Variants in SORCS1 observed in about 807,000 individuals in gnomAD.
The protein encoded by SORCS1 is sortilin related VPS10 domain containing receptor 1.
In SORCS1, 60 loss-of-function variants were observed where a neutral mutation model predicts 146.1. The observed-to-expected ratio is 0.41, with a 90% CI of 0.33 to 0.51. SORCS1 has a LOEUF of 0.51. SORCS1 is among the 20% of genes least tolerant of loss of function. The probability of loss-of-function intolerance (pLI) is 0.21; values close to 1 mark genes in which losing one functional copy is unlikely to be tolerated. For missense variants in SORCS1, 1,352 were observed against 1,487.6 expected (o/e 0.91, Z 1.50); for synonymous variants, 637 against 584.0 (o/e 1.09, Z -1.31).
In SORCS1 at chr10:107,051,575, A is replaced by G. The variant is rs552357569; in HGVS notation, c.559-94995T>C. On this transcript the variant is annotated intron_variant, in intron 1 of 25. Transcript: ENST00000263054. ...CACTAAGTATTTACTATATTAACTCAGGGGGTTCATGGATCTTTTGAAGCC... is the reference window on the plus strand; with the variant it reads ...CACTAAGTATTTACTATATTAACTCGGGGGGTTCATGGATCTTTTGAAGCC... Among the ~76,000 whole-genome samples the G allele has an allele frequency of 1.3e-4, 20 of 152,258 alleles. No individual in the cohort carries two copies. The South Asian group carries it at 1.7e-3, about 13-fold the overall frequency.
chr10:106,657,210 C>A (rs1043093378), intron 17 of SORCS1, among the ~76,000 whole-genome samples: 1 of 152,076 alleles, frequency 6.6e-6, no homozygotes, highest in Admixed American at 6.5e-5. Context: ...AACTTAAGTG[C>A]CTATCAGCTG....
chr10:107,060,487 C>T lies in SORCS1; in HGVS notation c.558+103482G>A, dbSNP rs183966687. Among the ~76,000 whole-genome samples, 604 of 149,728 alleles carry T rather than the reference C, an allele frequency of 4.0e-3. 3 individuals carry two copies. The highest frequency in any genetic ancestry group is 0.014 in the African/African-American group (566 of 39,134). On this transcript the variant is annotated intron_variant, in intron 1 of 25. Coordinates refer to ENST00000263054, the MANE Select transcript of SORCS1 (RefSeq NM_052918.5). This position sits in a 1 kb window ranked among gnomAD's most constrained non-coding sequence, Gnocchi z 4.1. ...AAACCTAAAAATGGAAGCTGCCAGA[C>T]CTTCTCTGCACTCTGTTCAGACAGG...
intron 2 of SORCS1, among the ~76,000 whole-genome samples, chr10:106,914,844 G>A (rs1206052528): frequency 6.6e-6 from 1 of 152,116 alleles, no homozygotes; most frequent in African/African-American, 2.4e-5. Context: ...CTGATTTCTA[G>A]CCATTCATTC....
chr10:107,179,004 G>T, the SORCS1 span, among the ~76,000 whole-genome samples: 11 of 152,090 alleles, frequency 7.2e-5, no homozygotes, highest in African/African-American at 2.4e-4. Context: ...TGGATCATAT[G>T]GTAGTTCTAT....
At chr10:106,984,948 G>A (rs11193142) in intron 1 of SORCS1, among the ~76,000 whole-genome samples, 9,455 of 152,030 alleles carry the variant, frequency 0.062, 787 homozygotes, top group African/African-American at 0.19. Context: ...AGCACTTTGG[G>A]AGGCTGAGGT....
intron 1 of SORCS1, among the ~76,000 whole-genome samples, chr10:107,159,431 AT>A (rs1377828319): frequency 6.6e-6 from 1 of 152,206 alleles, no homozygotes; most frequent in Non-Finnish European, 1.5e-5. Flanking sequence ...TACGTATCTA[AT>A]TTTTGTATAC....
intron 2 of SORCS1, among the ~76,000 whole-genome samples, chr10:106,892,215 C>T (rs1951264488): frequency 6.6e-6 from 1 of 152,174 alleles, no homozygotes; most frequent in Non-Finnish European, 1.5e-5. Flanking sequence ...GTCAACAAGT[C>T]ACCAACACTC....
Position 106,672,874 on chromosome 10 carries a change from G to C in SORCS1, c.2052C>G (p.His684Gln), listed in dbSNP as rs375874787. 1 of 1,613,516 alleles carries C rather than the reference G, an allele frequency of 6.2e-7. No homozygotes were observed. The highest frequency in any genetic ancestry group is 1.3e-5 in the African/African-American group (1 of 74,914). Residue 684 changes from histidine to glutamine, a missense_variant, in exon 15 of 26, where the codon CAC (histidine) becomes CAG (glutamine). Physicochemically the swap from His to Gln is conservative, Grantham distance 24. This residue lies in a region of SORCS1 where 648 missense variants were observed against 793.8 expected (regional missense o/e 0.82). Coordinates refer to ENST00000263054, the MANE Select transcript of SORCS1 (RefSeq NM_052918.5). ...TCAGTTCTTTTCCTCCTACCTGGCTGTGCAGCTGCCAAGGTCTGTAGTCCT... is the reference window on the plus strand; with the variant it reads ...TCAGTTCTTTTCCTCCTACCTGGCTCTGCAGCTGCCAAGGTCTGTAGTCCT... ...AEEDYRPWQL[H>Q]SQGEACIMGA...
chr10:106,826,695 C>A (rs534256991), intron 3 of SORCS1, among the ~76,000 whole-genome samples: 1 of 152,298 alleles, frequency 6.6e-6, no homozygotes, highest in East Asian at 1.9e-4. Flanking sequence ...CGTTCATCGT[C>A]CTCCAATATT....
intron 1 of SORCS1, among the ~76,000 whole-genome samples, chr10:106,994,789 A>G (rs1956923778): frequency 6.6e-6 from 1 of 152,224 alleles, no homozygotes; most frequent in African/African-American, 2.4e-5. Context: ...GAAGGAGAAG[A>G]TGAAGAGGCA....
intron 2 of SORCS1, among the ~76,000 whole-genome samples, chr10:106,851,528 T>G (rs145543407): frequency 6.6e-6 from 1 of 152,240 alleles, no homozygotes; most frequent in Non-Finnish European, 1.5e-5. Context: ...TATTGTTCTA[T>G]GTCTGGGCTC....
At chr10:107,146,688 C>G (rs1565103939) in intron 1 of SORCS1, among the ~76,000 whole-genome samples, 1 of 152,152 alleles carries the variant, frequency 6.6e-6, no homozygotes, top group Non-Finnish European at 1.5e-5. Flanking sequence ...AAGAGCTGAG[C>G]TTTTCAGACC....
At chr10:107,002,567 G>A (rs566692449) in intron 1 of SORCS1, among the ~76,000 whole-genome samples, 1 of 152,068 alleles carries the variant, frequency 6.6e-6, no homozygotes, top group South Asian at 2.1e-4. Context: ...CCAAAACCTG[G>A]GAGAATGTAA....
intron 24 of SORCS1, among the ~76,000 whole-genome samples, chr10:106,581,775 ATCTC>A (rs202126673): frequency 2.0e-5 from 3 of 151,892 alleles, no homozygotes; most frequent in South Asian, 2.1e-4. Context: ...AAAAGATAAG[ATCTC>A]TCTCTCTCTC....
intron 22 of SORCS1, among the ~76,000 whole-genome samples, chr10:106,609,834 G>T (rs1846855665): frequency 6.6e-6 from 1 of 152,178 alleles, no homozygotes; most frequent in African/African-American, 2.4e-5. Flanking sequence ...AATCAGCCTG[G>T]AAGGCTGGAC....
At chr10:106,829,264 T>A (rs998116714) in intron 3 of SORCS1, among the ~76,000 whole-genome samples, 2 of 152,244 alleles carry the variant, frequency 1.3e-5, no homozygotes, top group African/African-American at 4.8e-5. Flanking sequence ...AGACTCATTC[T>A]GACTCTTCTG....
intron 2 of SORCS1, among the ~76,000 whole-genome samples, chr10:106,940,264 A>G (rs570996024): frequency 1.1e-4 from 16 of 152,242 alleles, no homozygotes; most frequent in Admixed American, 1.0e-3. Flanking sequence ...CTAATATGGG[A>G]CATGCTTTAT....
intron 16 of SORCS1, 112 bp downstream of exon 16, chr10:106,671,125 G>A (rs1184383183): frequency 3.6e-6 from 5 of 1,406,510 alleles, no homozygotes; most frequent in African/African-American, 1.4e-5. Flanking sequence ...AGAATATGAA[G>A]CTGGCCACTT....
rs139409768 is a variant in SORCS1, at chr10:106,686,236, C to T, written c.1560+1956G>A. On this transcript the variant is annotated intron_variant, in intron 10 of 25. Transcript: ENST00000263054. ...ATGCTGGCTTGGATTAGGGCAGTCCCAGTGGTGATGGGGAAGTAAGCTGAT... is the reference window on the plus strand; with the variant it reads ...ATGCTGGCTTGGATTAGGGCAGTCCTAGTGGTGATGGGGAAGTAAGCTGAT... Among the ~76,000 whole-genome samples, 356 of 152,206 alleles carry T rather than the reference C, an allele frequency of 2.3e-3. 2 individuals are homozygous for T. Among genetic ancestry groups the T allele is most frequent in the African/African-American group, 7.7e-3 (319 of 41,532 alleles).
Sources: gnomAD v4.1 joint callset for allele counts (sites outside exome capture counted in the v4.1 genomes callset) on GRCh38, gnomAD v4.1.1 for gene constraint, gnomAD v4.1.1 regional missense constraint, Gnocchi (gnomAD v3.1) non-coding constraint, MANE v1.5 for transcripts, NCBI Gene and HGNC (gene_info 2026-07-23, HGNC 2026-07-21) for gene names.